The following RUNX1 variants were observed in gnomAD, a reference collection of about 807,000 sequenced individuals.
RUNX1 encodes the protein runt-related transcription factor 1.
In RUNX1, 19 loss-of-function variants were observed where a neutral mutation model predicts 42.8. That is an observed-to-expected ratio of 0.44 (90% CI 0.31 to 0.65). The LOEUF (loss-of-function observed/expected upper bound fraction) is 0.65. RUNX1 is among the 30% of genes least tolerant of loss of function. The pLI is 0.07. For missense variants in RUNX1, 528 were observed against 672.0 expected (o/e 0.79, Z 2.37); for synonymous variants, 271 against 289.4 (o/e 0.94, Z 0.64).
intron 2 of RUNX1, among the ~76,000 whole-genome samples, chr21:35,016,810 C>G (rs2059162147): frequency 1.3e-5 from 2 of 152,056 alleles, no homozygotes; most frequent in South Asian, 4.1e-4. Flanking sequence ...CCAAGAGGCT[C>G]TACATTAGCC....
At chr21:35,012,733 C>T (rs1368041228) in intron 2 of RUNX1, among the ~76,000 whole-genome samples, 1 of 151,734 alleles carries the variant, frequency 6.6e-6, no homozygotes, top group Non-Finnish European at 1.5e-5. Context: ...CACATCTATA[C>T]ATTGAGATGA....
At chr21:34,848,742 T>C (rs1278753306) in intron 6 of RUNX1, among the ~76,000 whole-genome samples, 1 of 152,184 alleles carries the variant, frequency 6.6e-6, no homozygotes, top group Non-Finnish European at 1.5e-5. Flanking sequence ...GCCCCCTGGT[T>C]CACTTTTGAA....
At position 34,957,394 on chromosome 21, in the gene RUNX1, G is replaced by A. The variant is rs530541425; in HGVS notation, c.59-64431C>T. 1.2e-4 allele frequency among the ~76,000 whole-genome samples: 18 copies of A among 152,274 alleles called. No individual in the cohort carries two copies. The East Asian group carries it at 3.3e-3, about 28-fold the overall frequency. On this transcript the variant is annotated intron_variant, in intron 2 of 8. Transcript: ENST00000675419. Reference sequence around the variant, plus strand: ...TTCAACACACAGTGCCCTTACCTGGGGCAAGCCAGGAACTCATTTGTCTTT... The same window carrying A: ...TTCAACACACAGTGCCCTTACCTGGAGCAAGCCAGGAACTCATTTGTCTTT...
chr21:34,846,239 A>G (rs1263227571), intron 6 of RUNX1, among the ~76,000 whole-genome samples: 1 of 141,096 alleles, frequency 7.1e-6, no homozygotes, highest in Non-Finnish European at 1.5e-5. Context: ...AGTCATGGGA[A>G]CTCTAGTTAG....
intron 2 of RUNX1, among the ~76,000 whole-genome samples, chr21:35,036,079 G>C (rs1476895433): frequency 6.6e-6 from 1 of 152,184 alleles, no homozygotes; most frequent in Non-Finnish European, 1.5e-5. Context: ...GAAGACAGAA[G>C]AGGGAGCAGG....
At chr21:35,046,860 C>T (rs1476288462) in intron 2 of RUNX1, among the ~76,000 whole-genome samples, 2 of 152,096 alleles carry the variant, frequency 1.3e-5, no homozygotes, top group African/African-American at 4.8e-5. Context: ...TCCAGATGAT[C>T]CCTTTTGAGT....
At chr21:34,944,818 A>G (rs1222192358) in intron 2 of RUNX1, among the ~76,000 whole-genome samples, 1 of 152,232 alleles carries the variant, frequency 6.6e-6, no homozygotes, top group Admixed American at 6.5e-5. Flanking sequence ...AGATAGTATA[A>G]TAACTAATGA....
intron 7 of RUNX1, among the ~76,000 whole-genome samples, chr21:34,802,346 G>A (rs2056618766): frequency 6.6e-6 from 1 of 152,196 alleles, no homozygotes; most frequent in Admixed American, 6.5e-5. Context: ...TACCTGGCAG[G>A]AGAGTGATGA....
intron 2 of RUNX1, among the ~76,000 whole-genome samples, chr21:34,939,849 T>C (rs889469982): frequency 7.9e-5 from 12 of 152,120 alleles, no homozygotes; most frequent in South Asian, 2.1e-4. Context: ...TCCAGGTTTT[T>C]TTATTTTTAT....
chr21:34,941,513 T>C (rs1022577380), intron 2 of RUNX1, among the ~76,000 whole-genome samples: 2 of 152,242 alleles, frequency 1.3e-5, no homozygotes, highest in African/African-American at 4.8e-5. Flanking sequence ...TACACAAACA[T>C]GGGACCAAAG....
At position 34,937,045 on chromosome 21, in the gene RUNX1, T is replaced by C. The variant is rs756485298; in HGVS notation, c.59-44082A>G. 9.5e-4 allele frequency among the ~76,000 whole-genome samples: 145 copies of C among 152,094 alleles called. 1 individual carries two copies. The highest frequency in any genetic ancestry group is 1.9e-3 in the Non-Finnish European group (129 of 68,002). On this transcript the variant is annotated intron_variant, in intron 2 of 8. Coordinates refer to ENST00000675419, the MANE Select transcript of RUNX1 (RefSeq NM_001754.5). Reference sequence around the variant, plus strand: ...TTGTATGACTGACCTAGGCGTGCCATGTCTCTTTGCTCCCTACACAGACAG... The same window carrying C: ...TTGTATGACTGACCTAGGCGTGCCACGTCTCTTTGCTCCCTACACAGACAG...
At chr21:35,012,674 C>T (rs1467488983) in intron 2 of RUNX1, among the ~76,000 whole-genome samples, 1 of 152,208 alleles carries the variant, frequency 6.6e-6, no homozygotes, top group East Asian at 1.9e-4. Context: ...ATGACAAAAT[C>T]TCTGAGCATG....
At chr21:34,974,343 TC>T (rs1221687216) in intron 2 of RUNX1, among the ~76,000 whole-genome samples, 1 of 150,964 alleles carries the variant, frequency 6.6e-6, no homozygotes, top group African/African-American at 2.4e-5. Context: ...GCCAGGGAAC[TC>T]TACGGAAACG....
At chr21:34,888,099 G>T (rs142960301) in intron 3 of RUNX1, 1 of 1,066,132 alleles carries the variant, frequency 9.4e-7, no homozygotes, top group Non-Finnish European at 1.1e-6. Context: ...ATGCAAACAC[G>T]CACTCTTCGG....
intron 2 of RUNX1, among the ~76,000 whole-genome samples, chr21:35,046,008 G>A (rs1325004393): frequency 6.6e-6 from 1 of 152,278 alleles, no homozygotes; most frequent in African/African-American, 2.4e-5. Flanking sequence ...AAATATGTAC[G>A]TGCCGAGGCT....
rs775825743 is a variant in RUNX1 at position 34,792,649 on chromosome 21, G to C, written c.968-39C>G. The C allele has an allele frequency of 1.3e-6, 2 of 1,519,018 alleles. No homozygotes were observed. The highest frequency in any genetic ancestry group is 1.8e-6 in the Non-Finnish European group (2 of 1,126,462). The allele number at this position is 1,519,018 out of a possible 1,614,324, so 94.1% of individuals were successfully genotyped here. A position where few individuals can be genotyped will look rare whatever the true frequency, so the allele number is the denominator to read the frequency against. ...AAGAGAACGGAGCGGAAGTGAGTAG[G>C]AGGTTGCGGAGGCCACAGCTCTTCC... is the stretch of plus-strand genomic sequence containing the variant. On this transcript the variant is annotated intron_variant, in intron 8 of 8. Coordinates refer to ENST00000675419, the MANE Select transcript of RUNX1 (RefSeq NM_001754.5). This position sits in a 1 kb window ranked among gnomAD's most constrained non-coding sequence, Gnocchi z 6.9.
chr21:34,907,336 T>C lies in RUNX1; in HGVS notation c.59-14373A>G, dbSNP rs2058229906. On this transcript the variant is annotated intron_variant, in intron 2 of 8. Coordinates refer to ENST00000675419, the MANE Select transcript of RUNX1 (RefSeq NM_001754.5). This position sits in a 1 kb window ranked among gnomAD's most constrained non-coding sequence, Gnocchi z 5.3. ...CTTCTAAACAATAGGTTGTGACCCA[T>C]AGATTGGTTGTTAATAATAATAATA... Among the ~76,000 whole-genome samples the C allele has an allele frequency of 2.6e-5, 4 of 152,264 alleles. No homozygotes were observed. The South Asian group carries it at 8.3e-4, about 32-fold the overall frequency.
chr21:35,018,788 C>T (rs1460148441), intron 2 of RUNX1, among the ~76,000 whole-genome samples: 2 of 152,172 alleles, frequency 1.3e-5, no homozygotes, highest in African/African-American at 2.4e-5. Context: ...CTGGATTTCA[C>T]CTCCCACAGT....
intron 2 of RUNX1, among the ~76,000 whole-genome samples, chr21:34,969,939 T>C (rs1394070325): frequency 6.6e-6 from 1 of 152,228 alleles, no homozygotes; most frequent in Non-Finnish European, 1.5e-5. Context: ...GTATGGATCA[T>C]ATCTGTTCTG....
Sources: allele counts gnomAD v4.1 joint callset (sites outside exome capture counted in the v4.1 genomes callset), GRCh38; gene constraint gnomAD v4.1.1; non-coding constraint Gnocchi (gnomAD v3.1); transcripts MANE v1.5; gene names NCBI Gene and HGNC (gene_info 2026-07-23, HGNC 2026-07-21).